The following WDPCP variants were observed in gnomAD, a reference collection of about 807,000 sequenced individuals.
WDPCP encodes the protein WD repeat containing planar cell polarity effector, also known as WD repeat-containing and planar cell polarity effector protein fritz homolog.
WDPCP carries 71 observed loss-of-function variants against 93.1 expected under a neutral mutation model. The ratio of observed to expected loss-of-function variants is 0.76; its 90% CI spans 0.63 to 0.93. WDPCP has a LOEUF of 0.93. Among genes scored for constraint, WDPCP ranks in the 40% least tolerant of loss-of-function variants. The probability of loss-of-function intolerance (pLI) is 0.00; values close to 1 mark genes in which losing one functional copy is unlikely to be tolerated. For missense variants in WDPCP, 844 were observed against 887.4 expected (o/e 0.95, Z 0.62); for synonymous variants, 315 against 315.0 (o/e 1.00, Z 0.00).
At chr2:63,738,393 T>TTTTTTTTTTTTTTTTTTTTTTTTTTGA (rs1553453624) in intron 2 of WDPCP, among the ~76,000 whole-genome samples, 25 of 151,246 alleles carry the variant, frequency 1.7e-4, no homozygotes, top group Non-Finnish European at 2.8e-4. Context: ...GGGCTACTAT[T>TTTTTTTTTTTTTTTTTTTTTTTTTTGA]GACATTTGCT....
chr2:63,429,373 G>A (rs1473894216), intron 9 of WDPCP, among the ~76,000 whole-genome samples: 1 of 152,056 alleles, frequency 6.6e-6, no homozygotes, highest in African/African-American at 2.4e-5. Context: ...CTTCTACACA[G>A]CAAGAAACAC....
chr2:63,170,380 C>T (rs961032269), intron 15 of WDPCP, among the ~76,000 whole-genome samples: 2 of 151,866 alleles, frequency 1.3e-5, no homozygotes, highest in African/African-American at 4.8e-5. Flanking sequence ...TCAAGCAATT[C>T]CCCTGCCTCA....
At chr2:63,146,743 CA>C (rs1375930154) in intron 17 of WDPCP, among the ~76,000 whole-genome samples, 1 of 151,972 alleles carries the variant, frequency 6.6e-6, no homozygotes, top group Admixed American at 6.6e-5. Flanking sequence ...TGGATATCTG[CA>C]ACTTACTTTG....
intron 1 of WDPCP, among the ~76,000 whole-genome samples, chr2:63,536,032 C>G (rs1704250085): frequency 6.6e-6 from 1 of 152,144 alleles, no homozygotes; most frequent in African/African-American, 2.4e-5. Context: ...GTCAAACAAT[C>G]CCATCAAAAA....
At chr2:63,728,447 G>T (rs1669519635) in intron 2 of WDPCP, among the ~76,000 whole-genome samples, 1 of 152,030 alleles carries the variant, frequency 6.6e-6, no homozygotes, top group Admixed American at 6.6e-5. Flanking sequence ...AGAGTGAAGG[G>T]GCCTCCTTAA....
intron 9 of WDPCP, among the ~76,000 whole-genome samples, chr2:63,427,201 G>A (rs960777031): frequency 2.2e-4 from 33 of 152,044 alleles, no homozygotes; most frequent in African/African-American, 8.0e-4. Flanking sequence ...TAAAAATGAA[G>A]TTCTGGACTA....
intron 6 of WDPCP, among the ~76,000 whole-genome samples, chr2:63,465,133 T>A (rs1036346208): frequency 6.6e-5 from 10 of 151,784 alleles, no homozygotes; most frequent in East Asian, 1.9e-4. Flanking sequence ...TAAATTTATT[T>A]ATTATTTATT....
intron 15 of WDPCP, chr2:63,168,627 T>G (rs1193299107): frequency 1.3e-5 from 2 of 152,168 alleles, no homozygotes; most frequent in Non-Finnish European, 2.9e-5. Flanking sequence ...TCTTCTCACT[T>G]ATTTATCACT....
chr2:63,710,117 C>G (rs1056050717), intron 2 of WDPCP, among the ~76,000 whole-genome samples: 1 of 152,122 alleles, frequency 6.6e-6, no homozygotes. Flanking sequence ...CTGCTCTGGT[C>G]CTAGGAGGCT....
intron 12 of WDPCP, among the ~76,000 whole-genome samples, chr2:63,357,399 T>A (rs1015217562): frequency 6.6e-6 from 1 of 152,006 alleles, no homozygotes; most frequent in African/African-American, 2.4e-5. Context: ...CCAGCATCTA[T>A]AAGGAACTTA....
chr2:63,705,896 G>A (rs1419277924), intron 2 of WDPCP, among the ~76,000 whole-genome samples: 1 of 152,068 alleles, frequency 6.6e-6, no homozygotes, highest in Non-Finnish European at 1.5e-5. Flanking sequence ...TGACAGTGGG[G>A]TGTTAAAGTC....
chr2:63,342,436 T>G (rs1476577330), intron 12 of WDPCP, among the ~76,000 whole-genome samples: 1 of 152,252 alleles, frequency 6.6e-6, no homozygotes, highest in Non-Finnish European at 1.5e-5. Flanking sequence ...ATCATATGTG[T>G]TTTGTTATAT....
chr2:63,823,256 C>G (rs1417812255), intron 1 of WDPCP, among the ~76,000 whole-genome samples: 1 of 151,266 alleles, frequency 6.6e-6, no homozygotes, highest in East Asian at 1.9e-4. Flanking sequence ...GTCTGTAATC[C>G]CAGCACTTTG....
At chr2:63,643,588 AG>A in intron 3 of WDPCP, 1 of 433,280 alleles carries the variant, frequency 2.3e-6, no homozygotes, top group East Asian at 5.6e-5. Context: ...CACCTTGATG[AG>A]GGGATCAGGG....
At chr2:63,250,664 G>A (rs1382835429) in intron 14 of WDPCP, among the ~76,000 whole-genome samples, 1 of 152,176 alleles carries the variant, frequency 6.6e-6, no homozygotes, top group Non-Finnish European at 1.5e-5. Flanking sequence ...TGAGAAAGAT[G>A]AGGGTTGTAT....
intron 14 of WDPCP, chr2:63,229,909 C>CA (rs1267071421): frequency 7.8e-5 from 12 of 153,508 alleles, no homozygotes; most frequent in South Asian, 3.6e-4. Flanking sequence ...AAAAAAAAGA[C>CA]AAAAAAAATA....
intron 13 of WDPCP, among the ~76,000 whole-genome samples, chr2:63,262,649 A>G (rs1206379115): frequency 2.6e-5 from 4 of 151,902 alleles, no homozygotes; most frequent in Non-Finnish European, 4.4e-5. Flanking sequence ...AGTGTGGGCT[A>G]TAAGATCTGT....
intron 6 of WDPCP, among the ~76,000 whole-genome samples, chr2:63,450,596 C>G (rs748432345): frequency 1.1e-4 from 17 of 152,192 alleles, no homozygotes; most frequent in Non-Finnish European, 2.5e-4. Flanking sequence ...GACCCAAGAT[C>G]AGGCACACTC....
At chr2:63,671,863 C>G (rs1003875099) in intron 2 of WDPCP, among the ~76,000 whole-genome samples, 1 of 152,120 alleles carries the variant, frequency 6.6e-6, no homozygotes, top group Non-Finnish European at 1.5e-5. Context: ...ACTAACAGAC[C>G]CTTACCATGC....
Sources: allele counts gnomAD v4.1 joint callset (sites outside exome capture counted in the v4.1 genomes callset), GRCh38; gene constraint gnomAD v4.1.1; transcripts MANE v1.5; gene names NCBI Gene and HGNC (gene_info 2026-07-23, HGNC 2026-07-21).